Variants in CUL5 observed in about 807,000 individuals in gnomAD.
CUL5 encodes cullin 5.
A neutral mutation model predicts 108.8 loss-of-function variants in CUL5; 26 were observed. That is an observed-to-expected ratio of 0.24 (90% CI 0.18 to 0.33). CUL5 has a LOEUF of 0.33. Ranked by LOEUF, CUL5 falls within the 10% of genes least tolerant of loss-of-function variation. CUL5 has a pLI of 1.00. For synonymous variants in CUL5, 334 were observed against 298.0 expected (o/e 1.12, Z -1.25); for missense variants, 524 against 909.2 (o/e 0.58, Z 5.45).
chr11:108,055,022 T>A, intron 7 of CUL5, 67 bp downstream of exon 7: 1 of 1,059,594 alleles, frequency 9.4e-7, no homozygotes, highest in South Asian at 1.5e-5. Context: ...GAATGGCAAA[T>A]AAACAACATA....
chr11:108,080,433 A>G lies in CUL5; in HGVS notation c.1178+2193A>G, dbSNP rs547773559. Among the ~76,000 whole-genome samples, 73 of 151,492 alleles carry G rather than the reference A, an allele frequency of 4.8e-4. 1 individual carries two copies. Among genetic ancestry groups the G allele is most frequent in the South Asian group, 1.0e-3 (5 of 4,794 alleles). On this transcript the variant is annotated intron_variant, in intron 11 of 18. Coordinates refer to ENST00000393094, the MANE Select transcript of CUL5 (RefSeq NM_003478.6). ...GTTGTTTGAGACGGGGCCTTGCTCT[A>G]TCTCCAGGCTGGAGTGCAGTGGTCT...
At chr11:108,015,693 T>C (rs540799026) in intron 1 of CUL5, among the ~76,000 whole-genome samples, 26 of 152,312 alleles carry the variant, frequency 1.7e-4, no homozygotes, top group Admixed American at 4.6e-4. Context: ...CTGTAAAACT[T>C]TGTGATACAT....
intron 7 of CUL5, among the ~76,000 whole-genome samples, chr11:108,058,478 G>C (rs1863453843): frequency 6.6e-6 from 1 of 151,454 alleles, no homozygotes; most frequent in Admixed American, 6.6e-5. Flanking sequence ...TTGATCTCCT[G>C]ACTTCGTGAT....
chr11:108,009,386 T>A lies in CUL5; in HGVS notation c.24+14T>A. On this transcript the variant is annotated intron_variant, in intron 1 of 18. Transcript: ENST00000393094. Reference sequence around the variant, plus strand: ...AATCTGTTAAAGGTAAGACCCTCACTCCAGCTTGGGTTTTACTGTGTGGCC... The same window carrying A: ...AATCTGTTAAAGGTAAGACCCTCACACCAGCTTGGGTTTTACTGTGTGGCC... 1 of 1,613,498 alleles carries A rather than the reference T, an allele frequency of 6.2e-7. No homozygotes were observed.
chr11:108,016,260 C>T (rs1862187582), intron 1 of CUL5, among the ~76,000 whole-genome samples: 1 of 151,678 alleles, frequency 6.6e-6, no homozygotes, highest in African/African-American at 2.4e-5. Context: ...CTCGTCTTCT[C>T]TTCTCTTCTC....
chr11:108,099,056 G>T (rs2135246664), intron 18 of CUL5, among the ~76,000 whole-genome samples: 1 of 143,026 alleles, frequency 7.0e-6, no homozygotes, highest in South Asian at 2.2e-4. Context: ...CCAGGCTAGA[G>T]TGCAGTGGCA....
At chr11:108,091,695 T>TCTCACACACACACACA (rs1555024093) in intron 13 of CUL5, among the ~76,000 whole-genome samples, 1 of 138,098 alleles carries the variant, frequency 7.2e-6, no homozygotes, top group African/African-American at 2.8e-5. Context: ...TCTCTCTCAC[T>TCTCACACACACACACA]CACACACACA....
intron 14 of CUL5, 131 bp downstream of exon 14, chr11:108,094,645 C>T (rs1864444411): frequency 1.3e-6 from 1 of 765,454 alleles, no homozygotes; most frequent in African/African-American, 1.8e-5. Flanking sequence ...GTGGAGACAG[C>T]TATCAAAGCA....
rs1863846149 is a variant in CUL5 at position 108,072,333 on chromosome 11, A to G, written c.876A>G (p.Lys292=). 6.3e-7 allele frequency: 1 copy of G among 1,595,976 alleles called. No homozygotes were observed. The highest frequency in any genetic ancestry group is 2.2e-5 in the East Asian group (1 of 44,632). ...CATGAATGTGTTCTCTCCTTCCAGA[A>G]TTACATTTAATGTTTTCATTGATGG... ...QGMIKRNETE[K]LHLMFSLMDK... Residue 292 remains lysine (K), a splice_region_variant and synonymous_variant, in exon 9 of 19, where the codon AAA becomes AAG. Transcript: ENST00000393094.
chr11:108,045,534 A>G (rs955659346), intron 2 of CUL5, among the ~76,000 whole-genome samples: 1 of 152,186 alleles, frequency 6.6e-6, no homozygotes, highest in African/African-American at 2.4e-5. Context: ...GCAGTGAGCT[A>G]TGGTTGTGGC....
At chr11:108,068,142 T>C (rs897017383) in intron 7 of CUL5, among the ~76,000 whole-genome samples, 1 of 152,110 alleles carries the variant, frequency 6.6e-6, no homozygotes, top group Non-Finnish European at 1.5e-5. Flanking sequence ...GGTCTTGAAC[T>C]CCTGACCTCA....
intron 18 of CUL5, among the ~76,000 whole-genome samples, chr11:108,101,067 C>T (rs372981378): frequency 4.8e-4 from 73 of 152,240 alleles, no homozygotes; most frequent in African/African-American, 1.7e-3. Context: ...TGTAGTCGTA[C>T]GATAAGATGT....
intron 11 of CUL5, among the ~76,000 whole-genome samples, chr11:108,086,598 C>G (rs967242990): frequency 1.3e-5 from 2 of 152,146 alleles, no homozygotes; most frequent in Admixed American, 1.3e-4. Context: ...AGAAAGACTT[C>G]CCTAGAGCAT....
At chr11:108,070,820 G>A (rs1216821350) in intron 8 of CUL5, among the ~76,000 whole-genome samples, 1 of 152,062 alleles carries the variant, frequency 6.6e-6, no homozygotes, top group Admixed American at 6.6e-5. Context: ...GCAAGGTCCT[G>A]TTTAATCTCT....
intron 7 of CUL5, among the ~76,000 whole-genome samples, chr11:108,064,923 T>C (rs1000735144): frequency 1.3e-5 from 2 of 152,168 alleles, no homozygotes; most frequent in Non-Finnish European, 2.9e-5. Flanking sequence ...AGAATTGATA[T>C]TAGTTCTACT....
chr11:108,052,506 C>T (rs889557817), intron 4 of CUL5, among the ~76,000 whole-genome samples, 154 bp from the exon 5 acceptor site: 1 of 152,132 alleles, frequency 6.6e-6, no homozygotes, highest in Non-Finnish European at 1.5e-5. Context: ...CAGCGATCCA[C>T]CTGCCTCGGC....
chr11:108,074,516 A>T (rs565126668), intron 10 of CUL5, among the ~76,000 whole-genome samples: 8 of 151,818 alleles, frequency 5.3e-5, no homozygotes, highest in Non-Finnish European at 1.2e-4. Flanking sequence ...ATTTTAAAAC[A>T]AGTAAATAGG....
At chr11:108,012,803 G>A (rs1565481091) in intron 1 of CUL5, among the ~76,000 whole-genome samples, 1 of 151,904 alleles carries the variant, frequency 6.6e-6, no homozygotes, top group African/African-American at 2.4e-5. Flanking sequence ...TACCATATTG[G>A]CCAGGATGGT....
In CUL5 at chr11:108,029,052, T is replaced by C. The variant is rs913111497; in HGVS notation, c.25-4750T>C. 1.2e-4 allele frequency among the ~76,000 whole-genome samples: 19 copies of C among 152,256 alleles called. 1 individual carries two copies. Among genetic ancestry groups the C allele is most frequent in the Admixed American group, 4.6e-4 (7 of 15,286 alleles). On this transcript the variant is annotated intron_variant, in intron 1 of 18. Transcript: ENST00000393094. ...ATACATTAAGCATGTTTCTATCTTA[T>C]GTTCTTTGCATTGGCTGCTTTCTCT... is the stretch of plus-strand genomic sequence containing the variant.
Sources: allele counts gnomAD v4.1 joint callset (sites outside exome capture counted in the v4.1 genomes callset), GRCh38; gene constraint gnomAD v4.1.1; transcripts MANE v1.5; gene names NCBI Gene and HGNC (gene_info 2026-07-23, HGNC 2026-07-21).